ARHGEF3: variants seen among roughly 807,000 people sequenced by gnomAD.
ARHGEF3 encodes Rho guanine nucleotide exchange factor 3.
ARHGEF3 carries 28 observed loss-of-function variants against 63.2 expected under a neutral mutation model. The ratio of observed to expected loss-of-function variants is 0.44; its 90% CI spans 0.33 to 0.61. The LOEUF is 0.61. ARHGEF3 is among the 20% of genes least tolerant of loss of function. The probability of loss-of-function intolerance (pLI) is 0.03; values close to 1 mark genes in which losing one functional copy is unlikely to be tolerated. For missense variants in ARHGEF3, 533 were observed against 659.3 expected (o/e 0.81, Z 2.10); for synonymous variants, 266 against 254.2 (o/e 1.05, Z -0.44).
chr3:56,749,513 C>A (rs1043799445), intron 6 of ARHGEF3, among the ~76,000 whole-genome samples: 5 of 152,068 alleles, frequency 3.3e-5, no homozygotes, highest in Non-Finnish European at 5.9e-5. Flanking sequence ...CTCCATTTAC[C>A]CCCATATCAA....
At chr3:56,766,811 C>T (rs924910810) in intron 2 of ARHGEF3, among the ~76,000 whole-genome samples, 3 of 152,168 alleles carry the variant, frequency 2.0e-5, no homozygotes, top group African/African-American at 7.2e-5. Flanking sequence ...TATCAACGGC[C>T]TTTAGTATTC....
At chr3:56,875,493 C>T (rs1049492719) in intron 4 of ARHGEF3, among the ~76,000 whole-genome samples, 4 of 152,138 alleles carry the variant, frequency 2.6e-5, no homozygotes, top group South Asian at 2.1e-4. Context: ...AATTCACAGG[C>T]TATTGGTGAG....
intron 1 of ARHGEF3, among the ~76,000 whole-genome samples, chr3:56,782,053 A>C (rs1458295774): frequency 6.6e-6 from 1 of 152,224 alleles, no homozygotes; most frequent in African/African-American, 2.4e-5. Flanking sequence ...GGGTACAGAA[A>C]GGGGAGCTGC....
intron 3 of ARHGEF3, among the ~76,000 whole-genome samples, chr3:56,891,870 T>G (rs2041134470): frequency 6.6e-6 from 1 of 152,112 alleles, no homozygotes; most frequent in African/African-American, 2.4e-5. Context: ...ATACTTAAAA[T>G]GTCTAAAAGT....
intron 2 of ARHGEF3, among the ~76,000 whole-genome samples, chr3:56,766,054 G>T (rs1229155661): frequency 2.0e-5 from 3 of 151,606 alleles, no homozygotes; most frequent in African/African-American, 7.3e-5. Context: ...TACTAATATG[G>T]GTGTATATTA....
intron 3 of ARHGEF3, among the ~76,000 whole-genome samples, chr3:56,894,023 A>G (rs567040703): frequency 2.0e-5 from 3 of 152,000 alleles, no homozygotes; most frequent in Non-Finnish European, 4.4e-5. Context: ...CCGGCTGACA[A>G]CCCCTGGGCA....
intron 4 of ARHGEF3, among the ~76,000 whole-genome samples, chr3:56,821,299 T>C (rs1233812660): frequency 6.6e-6 from 1 of 152,106 alleles, no homozygotes; most frequent in Non-Finnish European, 1.5e-5. Flanking sequence ...TGGGAAGAAG[T>C]TAGTAATTGT....
intron 1 of ARHGEF3, among the ~76,000 whole-genome samples, chr3:57,063,503 C>G (rs1705350996): frequency 6.6e-6 from 1 of 152,046 alleles, no homozygotes; most frequent in Non-Finnish European, 1.5e-5. Flanking sequence ...GAGCAGTGGC[C>G]ACTCTACAAG....
At chr3:57,019,809 G>A (rs1703177133) in intron 2 of ARHGEF3, among the ~76,000 whole-genome samples, 1 of 152,202 alleles carries the variant, frequency 6.6e-6, no homozygotes, top group South Asian at 2.1e-4. Context: ...CTGGGGGTAA[G>A]GGTGAGCTTG....
chr3:56,889,272 A>T (rs1341012145), intron 3 of ARHGEF3, among the ~76,000 whole-genome samples: 1 of 152,160 alleles, frequency 6.6e-6, no homozygotes, highest in Non-Finnish European at 1.5e-5. Flanking sequence ...TTCTCTGTGA[A>T]AAGCACTGAT....
chr3:57,058,909 G>T (rs9840288), intron 1 of ARHGEF3, among the ~76,000 whole-genome samples: 1 of 148,936 alleles, frequency 6.7e-6, no homozygotes, highest in Non-Finnish European at 1.5e-5. Context: ...ACCAAACACC[G>T]CATGTTCTCA....
At chr3:56,853,525 C>T (rs989112547) in intron 4 of ARHGEF3, among the ~76,000 whole-genome samples, 7 of 151,936 alleles carry the variant, frequency 4.6e-5, no homozygotes, top group Non-Finnish European at 8.8e-5. Context: ...TTAGTAGAGA[C>T]GGGGTTTCAC....
intron 3 of ARHGEF3, among the ~76,000 whole-genome samples, chr3:56,892,473 C>T (rs1205427449): frequency 6.6e-6 from 1 of 152,126 alleles, no homozygotes; most frequent in Non-Finnish European, 1.5e-5. Flanking sequence ...ATGGTGCTTC[C>T]TTGGCCCTCC....
chr3:56,890,631 G>C (rs1011498459), intron 3 of ARHGEF3, among the ~76,000 whole-genome samples: 1 of 152,150 alleles, frequency 6.6e-6, no homozygotes, highest in Admixed American at 6.5e-5. Flanking sequence ...AGGTCCCAGA[G>C]GACTATCCAC....
intron 3 of ARHGEF3, among the ~76,000 whole-genome samples, chr3:56,926,406 T>C (rs1334695977): frequency 6.6e-6 from 1 of 152,184 alleles, no homozygotes; most frequent in Non-Finnish European, 1.5e-5. Context: ...CATGACCAGA[T>C]AGAAATTCTT....
chr3:56,771,989 G>A (rs560944897), intron 2 of ARHGEF3, among the ~76,000 whole-genome samples: 111 of 152,292 alleles, frequency 7.3e-4, no homozygotes, highest in African/African-American at 2.6e-3. Flanking sequence ...TGAACTTGTC[G>A]AGAGGGCTGA....
At chr3:56,894,856 G>A (rs929148841) in intron 3 of ARHGEF3, among the ~76,000 whole-genome samples, 49 of 152,128 alleles carry the variant, frequency 3.2e-4, no homozygotes, top group Admixed American at 5.9e-4. Flanking sequence ...TTCTGCAAAC[G>A]CCAGGTCTCC....
intron 2 of ARHGEF3, among the ~76,000 whole-genome samples, chr3:56,969,352 T>C (rs1260199760): frequency 1.8e-5 from 2 of 113,948 alleles, no homozygotes; most frequent in African/African-American, 6.2e-5. Flanking sequence ...GTTCATTTGC[T>C]CATTTATATA....
chr3:56,960,454 CAG>C (rs941051603), intron 2 of ARHGEF3: 4 of 152,206 alleles, frequency 2.6e-5, no homozygotes, highest in Non-Finnish European at 5.9e-5. Context: ...ACATGCAAAA[CAG>C]GGGAAATAAT....
Sources: gnomAD v4.1 joint callset for allele counts (sites outside exome capture counted in the v4.1 genomes callset) on GRCh38, gnomAD v4.1.1 for gene constraint, MANE v1.5 for transcripts, NCBI Gene and HGNC (gene_info 2026-07-23, HGNC 2026-07-21) for gene names.